NMNAT3: variants seen among roughly 807,000 people sequenced by gnomAD.
NMNAT3 encodes nicotinamide nucleotide adenylyltransferase 3, also known as nicotinamide/nicotinic acid mononucleotide adenylyltransferase 3.
A neutral mutation model predicts 24.8 loss-of-function variants in NMNAT3; 21 were observed. The observed-to-expected ratio is 0.85, with a 90% confidence interval of 0.60 to 1.22. The LOEUF is 1.22. NMNAT3 is among the 50% of genes most tolerant of loss of function. The pLI, the probability that NMNAT3 is intolerant of heterozygous loss-of-function variation, is 0.00. For synonymous variants in NMNAT3, 136 were observed against 155.2 expected (o/e 0.88, Z 0.92); for missense variants, 387 against 436.6 (o/e 0.89, Z 1.01).
intron 3 of NMNAT3, among the ~76,000 whole-genome samples, chr3:139,615,465 A>ATCTATCTG (rs1255730560): frequency 6.8e-6 from 1 of 146,464 alleles, no homozygotes; most frequent in African/African-American, 2.5e-5. Flanking sequence ...CTATCTATCC[A>ATCTATCTG]TCCACCCACC....
At chr3:139,606,257 C>G (rs2108236527) in intron 3 of NMNAT3, among the ~76,000 whole-genome samples, 1 of 152,292 alleles carries the variant, frequency 6.6e-6, no homozygotes, top group East Asian at 1.9e-4. Context: ...AAGGACAGCT[C>G]CTCAGTCTTC....
intron 1 of NMNAT3, among the ~76,000 whole-genome samples, chr3:139,659,300 C>A (rs768393384): frequency 6.6e-6 from 1 of 152,102 alleles, no homozygotes; most frequent in Admixed American, 6.6e-5. Context: ...TTAGCATAGC[C>A]CTCTGGCCCA....
intron 1 of NMNAT3, among the ~76,000 whole-genome samples, chr3:139,656,396 C>T (rs113950014): frequency 0.014 from 2,120 of 152,284 alleles, 46 homozygotes; most frequent in African/African-American, 0.049. Context: ...TGATGACCAT[C>T]CAAATTCTTA....
At chr3:139,615,385 T>C (rs1176918482) in intron 3 of NMNAT3, among the ~76,000 whole-genome samples, 2 of 152,050 alleles carry the variant, frequency 1.3e-5, no homozygotes, top group East Asian at 3.9e-4. Context: ...GATAGCGTTG[T>C]ATGTGTATCT....
chr3:139,621,629 C>T (rs2055779217), intron 3 of NMNAT3, among the ~76,000 whole-genome samples: 1 of 152,214 alleles, frequency 6.6e-6, no homozygotes, highest in Non-Finnish European at 1.5e-5. Context: ...ACCTTGGCCT[C>T]CCAAAGTGCT....
chr3:139,651,231 C>T (rs1025060420), intron 1 of NMNAT3, among the ~76,000 whole-genome samples: 1 of 152,160 alleles, frequency 6.6e-6, no homozygotes, highest in South Asian at 2.1e-4. Flanking sequence ...TATAAATACC[C>T]GCACAGCATA....
chr3:139,617,690 A>G (rs1465769872), intron 3 of NMNAT3, among the ~76,000 whole-genome samples: 1 of 152,258 alleles, frequency 6.6e-6, no homozygotes, highest in Non-Finnish European at 1.5e-5. Context: ...TTGCTGAAAT[A>G]CAGGCCAATA....
chr3:139,575,572 ATT>A, intron 5 of NMNAT3: 27 of 995,488 alleles, frequency 2.7e-5, no homozygotes, highest in Non-Finnish European at 3.1e-5. Context: ...GGTGATTCTC[ATT>A]TTACTTACCT....
intron 2 of NMNAT3, among the ~76,000 whole-genome samples, chr3:139,633,181 A>ATTT (rs1553755551): frequency 1.0e-5 from 1 of 99,352 alleles, no homozygotes; most frequent in Non-Finnish European, 2.2e-5. Context: ...TTTTTGTTTG[A>ATTT]TTTTTTTTTT....
chr3:139,669,865 A>C (rs1159217300), intron 1 of NMNAT3, among the ~76,000 whole-genome samples: 1 of 152,214 alleles, frequency 6.6e-6, no homozygotes, highest in East Asian at 1.9e-4. Flanking sequence ...AGGAATCATC[A>C]AGCTACAAGA....
intron 5 of NMNAT3, among the ~76,000 whole-genome samples, chr3:139,575,204 G>C (rs753662228): frequency 6.6e-6 from 1 of 152,180 alleles, no homozygotes; most frequent in Non-Finnish European, 1.5e-5. Context: ...GTGGATGAAT[G>C]AATACATTTA....
chr3:139,569,781 T>C (rs1387231798), intron 6 of NMNAT3: 1 of 152,240 alleles, frequency 6.6e-6, no homozygotes, highest in Non-Finnish European at 1.5e-5. Context: ...TAACATTTTT[T>C]CCTTCATTTT....
chr3:139,660,408 T>C (rs770469710), intron 1 of NMNAT3, among the ~76,000 whole-genome samples: 15 of 152,346 alleles, frequency 9.8e-5, no homozygotes, highest in Non-Finnish European at 1.9e-4. Context: ...TTTCCTCCAC[T>C]AACAGAGCTG....
intron 3 of NMNAT3, among the ~76,000 whole-genome samples, chr3:139,589,857 G>T (rs1405473474): frequency 2.0e-5 from 3 of 152,180 alleles, no homozygotes; most frequent in Non-Finnish European, 4.4e-5. Context: ...CTAGGTCTCA[G>T]AAAATTTACC....
At chr3:139,613,643 C>A (rs1322690483) in intron 3 of NMNAT3, among the ~76,000 whole-genome samples, 5 of 151,904 alleles carry the variant, frequency 3.3e-5, no homozygotes, top group Non-Finnish European at 7.4e-5. Context: ...GGGTATATAC[C>A]CAAAGGATTA....
chr3:139,591,744 C>G (rs997597642), intron 3 of NMNAT3, among the ~76,000 whole-genome samples: 28 of 152,184 alleles, frequency 1.8e-4, no homozygotes, highest in South Asian at 4.1e-4. Flanking sequence ...TCCAACAGAC[C>G]TGCAGCTGAG....
At chr3:139,607,126 G>A (rs1316153699) in intron 3 of NMNAT3, among the ~76,000 whole-genome samples, 1 of 151,548 alleles carries the variant, frequency 6.6e-6, no homozygotes, top group East Asian at 1.9e-4. Flanking sequence ...AGAAGGCAAA[G>A]CTAGAAAATT....
intron 3 of NMNAT3, among the ~76,000 whole-genome samples, chr3:139,622,744 G>A (rs1046939175): frequency 7.1e-6 from 1 of 140,750 alleles, no homozygotes; most frequent in Admixed American, 7.3e-5. Flanking sequence ...CAAAAAAAAA[G>A]TGTGTGTGTA....
At chr3:139,612,865 C>A (rs565880891) in intron 3 of NMNAT3, among the ~76,000 whole-genome samples, 1 of 152,056 alleles carries the variant, frequency 6.6e-6, no homozygotes, top group African/African-American at 2.4e-5. Context: ...ACAAACCTGA[C>A]AAAAACAAGA....
Sources: allele counts gnomAD v4.1 joint callset (sites outside exome capture counted in the v4.1 genomes callset), GRCh38; gene constraint gnomAD v4.1.1; transcripts MANE v1.5; gene names NCBI Gene and HGNC (gene_info 2026-07-23, HGNC 2026-07-21).